SLC24A2: variants seen among roughly 807,000 people sequenced by gnomAD.
SLC24A2 encodes the protein sodium/potassium/calcium exchanger 2.
In SLC24A2, 36 loss-of-function variants were observed where a neutral mutation model predicts 62.0. The observed-to-expected ratio is 0.58, with a 90% CI of 0.44 to 0.77. The LOEUF is 0.77. SLC24A2 is among the 30% of genes least tolerant of loss of function. The pLI is 0.00. For missense variants in SLC24A2, 846 were observed against 817.9 expected (o/e 1.03, Z -0.42); for synonymous variants, 358 against 294.0 (o/e 1.22, Z -2.23).
the SLC24A2 span, among the ~76,000 whole-genome samples, chr9:19,997,056 A>T: frequency 1.3e-5 from 2 of 152,032 alleles, no homozygotes; most frequent in Non-Finnish European, 2.9e-5. Flanking sequence ...AGGCAAAAAA[A>T]GCAAACAATT....
chr9:19,899,616 G>A, the SLC24A2 span, among the ~76,000 whole-genome samples: 7 of 152,184 alleles, frequency 4.6e-5, no homozygotes, highest in Non-Finnish European at 1.0e-4. Flanking sequence ...GTTCTACCAT[G>A]TAGTATTAGT....
chr9:20,107,576 G>GAAA, the SLC24A2 span, among the ~76,000 whole-genome samples: 1 of 152,036 alleles, frequency 6.6e-6, no homozygotes, highest in African/African-American at 2.4e-5. Flanking sequence ...ACAAACCTGA[G>GAAA]AAAAACAAGC....
chr9:20,076,849 T>C, the SLC24A2 span, among the ~76,000 whole-genome samples: 20 of 48,776 alleles, frequency 4.1e-4, no homozygotes, highest in South Asian at 2.4e-3. Flanking sequence ...GATATATATA[T>C]ACATATCATA....
chr9:19,591,885 G>A (rs1836563376), intron 5 of SLC24A2, among the ~76,000 whole-genome samples: 1 of 152,196 alleles, frequency 6.6e-6, no homozygotes, highest in Non-Finnish European at 1.5e-5. Flanking sequence ...ATGTATCAGT[G>A]TGTATGACAC....
chr9:19,732,243 C>T (rs1821361769), intron 2 of SLC24A2, among the ~76,000 whole-genome samples: 1 of 152,154 alleles, frequency 6.6e-6, no homozygotes, highest in Non-Finnish European at 1.5e-5. Context: ...CAAAACTTTC[C>T]AAGTGGTTTA....
At chr9:19,784,956 C>T (rs1444406523) in intron 2 of SLC24A2, among the ~76,000 whole-genome samples, 1 of 151,408 alleles carries the variant, frequency 6.6e-6, no homozygotes, top group South Asian at 2.1e-4. Context: ...ATCTTTCACC[C>T]CCTGCTCAAA....
At chr9:19,806,631 A>G in the SLC24A2 span, among the ~76,000 whole-genome samples, 1 of 152,222 alleles carries the variant, frequency 6.6e-6, no homozygotes, top group Non-Finnish European at 1.5e-5. Context: ...AGACAGAACA[A>G]TATAGGAGAG....
the SLC24A2 span, among the ~76,000 whole-genome samples, chr9:20,010,871 G>C: frequency 2.7e-5 from 4 of 148,256 alleles, no homozygotes; most frequent in Admixed American, 1.4e-4. Context: ...TTGGTTTTTT[G>C]TCCTTGTGAT....
chr9:19,564,691 GAAATA>G (rs1312950065), intron 7 of SLC24A2, among the ~76,000 whole-genome samples: 4 of 152,076 alleles, frequency 2.6e-5, no homozygotes, highest in African/African-American at 9.7e-5. Flanking sequence ...GAAGTGAAAT[GAAATA>G]AAAACTGCAA....
chr9:19,566,440 A>G (rs566379981), intron 7 of SLC24A2, among the ~76,000 whole-genome samples: 9,261 of 148,978 alleles, frequency 0.062, 896 homozygotes, highest in African/African-American at 0.22. Flanking sequence ...TAGAATGGCA[A>G]TCATTAAAAA....
the SLC24A2 span, among the ~76,000 whole-genome samples, chr9:19,874,307 A>G: frequency 4.6e-5 from 7 of 151,976 alleles, no homozygotes; most frequent in South Asian, 2.1e-4. Flanking sequence ...TTTTCAATCA[A>G]TATAATTCAT....
chr9:19,831,717 T>G, the SLC24A2 span, among the ~76,000 whole-genome samples: 3 of 152,210 alleles, frequency 2.0e-5, no homozygotes, highest in Non-Finnish European at 4.4e-5. Flanking sequence ...AGACTTCTGG[T>G]AGTGAGAAAA....
intron 7 of SLC24A2, among the ~76,000 whole-genome samples, chr9:19,572,416 T>C (rs1835864085): frequency 6.6e-6 from 1 of 152,102 alleles, no homozygotes; most frequent in East Asian, 1.9e-4. Context: ...AGGAGCCTGG[T>C]GGGAGGTGAT....
At chr9:19,561,042 C>T (rs1835374275) in intron 7 of SLC24A2, among the ~76,000 whole-genome samples, 1 of 152,030 alleles carries the variant, frequency 6.6e-6, no homozygotes, top group Non-Finnish European at 1.5e-5. Context: ...TCTCTTTCCT[C>T]AGCCTCCCGA....
the SLC24A2 span, among the ~76,000 whole-genome samples, chr9:20,104,533 G>A: frequency 6.6e-6 from 1 of 152,164 alleles, no homozygotes; most frequent in Non-Finnish European, 1.5e-5. Flanking sequence ...GAAGAGAGTG[G>A]GGGCCAATAT....
the SLC24A2 span, among the ~76,000 whole-genome samples, chr9:20,229,272 G>C: frequency 3.9e-5 from 6 of 152,150 alleles, no homozygotes; most frequent in Non-Finnish European, 7.3e-5. Context: ...CTTAATAACA[G>C]TGTGACCTTG....
the SLC24A2 span, among the ~76,000 whole-genome samples, chr9:20,010,104 C>A: frequency 6.6e-6 from 1 of 152,204 alleles, no homozygotes; most frequent in African/African-American, 2.4e-5. Flanking sequence ...CTCGCTGAAT[C>A]ACAGAGCACA....
intron 2 of SLC24A2, among the ~76,000 whole-genome samples, chr9:19,656,369 A>G (rs756746616): frequency 1.3e-5 from 2 of 152,192 alleles, no homozygotes; most frequent in Non-Finnish European, 2.9e-5. Flanking sequence ...TGCAGCCACT[A>G]CAACCTATGT....
chr9:19,677,140 T>C (rs1203997193), intron 2 of SLC24A2, among the ~76,000 whole-genome samples: 1 of 152,244 alleles, frequency 6.6e-6, no homozygotes, highest in Non-Finnish European at 1.5e-5. Context: ...GTATGTTCAC[T>C]GCAGCACTAT....
Sources: gnomAD v4.1 joint callset for allele counts (sites outside exome capture counted in the v4.1 genomes callset) on GRCh38, gnomAD v4.1.1 for gene constraint, MANE v1.5 for transcripts, NCBI Gene and HGNC (gene_info 2026-07-23, HGNC 2026-07-21) for gene names.